The following SPMIP5 variants were observed in gnomAD, a reference collection of about 807,000 sequenced individuals.
The protein encoded by SPMIP5 is sperm microtubule inner protein 5.
chr10:116,668,793 A>T, the SPMIP5 span, among the ~76,000 whole-genome samples: 2 of 151,796 alleles, frequency 1.3e-5, no homozygotes, highest in African/African-American at 2.4e-5. Flanking sequence ...TGCAGTGGTG[A>T]TTTTTGCCAG....
the SPMIP5 span, chr10:116,664,758 C>A: frequency 6.2e-7 from 1 of 1,613,676 alleles, no homozygotes; most frequent in Non-Finnish European, 8.5e-7. Context: ...AAGCCAGACT[C>A]ACTCTTCATA....
At chr10:116,669,024 G>C in the SPMIP5 span, among the ~76,000 whole-genome samples, 2 of 151,274 alleles carry the variant, frequency 1.3e-5, no homozygotes, top group Non-Finnish European at 2.9e-5. Flanking sequence ...CCAAAAGGCA[G>C]ACATGGAGTC....
chr10:116,663,955 C>T, the SPMIP5 span: 1 of 1,538,336 alleles, frequency 6.5e-7, no homozygotes, highest in Non-Finnish European at 8.7e-7. Flanking sequence ...ATACATCTTC[C>T]CACTGCATGG....
At chr10:116,667,271 C>T in the SPMIP5 span, among the ~76,000 whole-genome samples, 3 of 152,336 alleles carry the variant, frequency 2.0e-5, no homozygotes, top group African/African-American at 4.8e-5. Context: ...GGATCCTTCC[C>T]TAGCGCCTTC....
chr10:116,665,104 T>C, the SPMIP5 span: 1 of 1,399,880 alleles, frequency 7.1e-7, no homozygotes, highest in Non-Finnish European at 9.2e-7. Flanking sequence ...CCCCTAGAAA[T>C]GTTTCTTTCT....
the SPMIP5 span, among the ~76,000 whole-genome samples, chr10:116,668,637 T>C: frequency 6.6e-6 from 1 of 151,986 alleles, no homozygotes; most frequent in African/African-American, 2.4e-5. Flanking sequence ...ACTCATACTA[T>C]GGCTGTGAAA....
the SPMIP5 span, among the ~76,000 whole-genome samples, chr10:116,663,051 G>A: frequency 6.6e-6 from 1 of 151,984 alleles, no homozygotes; most frequent in Non-Finnish European, 1.5e-5. Flanking sequence ...GCGTGGTGGT[G>A]GGCGCCTGTA....
chr10:116,668,221 C>T, the SPMIP5 span: 1 of 1,601,204 alleles, frequency 6.2e-7, no homozygotes, highest in Non-Finnish European at 8.6e-7. Context: ...CCCGGGTTCC[C>T]CTGCCAGGCA....
At chr10:116,666,116 C>T in the SPMIP5 span, among the ~76,000 whole-genome samples, 6 of 152,320 alleles carry the variant, frequency 3.9e-5, no homozygotes, top group East Asian at 9.6e-4. Flanking sequence ...GTCAGCCTGA[C>T]GGAAAATGGG....
At chr10:116,665,573 AG>A in the SPMIP5 span, 1 of 1,587,242 alleles carries the variant, frequency 6.3e-7, no homozygotes, top group Non-Finnish European at 8.6e-7. Context: ...AGGGGTGACC[AG>A]GGGTGAGGGG....
chr10:116,664,183 A>C, the SPMIP5 span: 1 of 1,614,132 alleles, frequency 6.2e-7, no homozygotes, highest in Non-Finnish European at 8.5e-7. Flanking sequence ...CCTGGAATAG[A>C]AAAATCGGGA....
chr10:116,664,570 G>T, the SPMIP5 span: 2 of 1,148,180 alleles, frequency 1.7e-6, no homozygotes, highest in Non-Finnish European at 2.4e-6. Context: ...GGAATGCTGA[G>T]CACAGGTTGG....
chr10:116,668,933 G>GCACACACGCACACACA, the SPMIP5 span, among the ~76,000 whole-genome samples: 2 of 135,282 alleles, frequency 1.5e-5, no homozygotes, highest in East Asian at 4.5e-4. Flanking sequence ...GCACACACAT[G>GCACACACGCACACACA]CACACACACA....
chr10:116,663,956 C>T, the SPMIP5 span: 10 of 1,538,302 alleles, frequency 6.5e-6, no homozygotes, highest in African/African-American at 1.4e-4. Context: ...TACATCTTCC[C>T]ACTGCATGGT....
the SPMIP5 span, chr10:116,664,327 TAATA>T: frequency 8.2e-7 from 1 of 1,217,846 alleles, no homozygotes; most frequent in East Asian, 2.6e-5. Context: ...AATAGAATAA[TAATA>T]AATAGAATAA....
the SPMIP5 span, among the ~76,000 whole-genome samples, chr10:116,669,337 A>G: frequency 3.3e-5 from 5 of 152,122 alleles, no homozygotes; most frequent in African/African-American, 1.2e-4. Context: ...AGCAGTGAGG[A>G]CTGTGCCGCG....
the SPMIP5 span, among the ~76,000 whole-genome samples, chr10:116,667,479 CCAAA>C: frequency 9.2e-5 from 14 of 152,232 alleles, no homozygotes; most frequent in African/African-American, 2.4e-4. Context: ...TCGACAGTGA[CCAAA>C]CAGAGATTCG....
chr10:116,668,932 T>TGCGC, the SPMIP5 span, among the ~76,000 whole-genome samples: 1 of 22,278 alleles, frequency 4.5e-5, no homozygotes, highest in African/African-American at 1.8e-4. Context: ...GGCACACACA[T>TGCGC]GCACACACAC....
the SPMIP5 span, chr10:116,665,947 C>T: frequency 2.4e-6 from 2 of 835,042 alleles, no homozygotes; most frequent in Non-Finnish European, 3.7e-6. Flanking sequence ...GCCAACAGCA[C>T]TACGTTTTTC....
Sources: gnomAD v4.1 joint callset for allele counts (sites outside exome capture counted in the v4.1 genomes callset) on GRCh38, gnomAD v4.1.1 for gene constraint, MANE v1.5 for transcripts, NCBI Gene and HGNC (gene_info 2026-07-23, HGNC 2026-07-21) for gene names.